The following ATRNL1 variants were observed in gnomAD, a reference collection of about 807,000 sequenced individuals.
The protein encoded by ATRNL1 is attractin-like protein 1.
In ATRNL1, 95 loss-of-function variants were observed where a neutral mutation model predicts 182.7. The observed-to-expected ratio is 0.52, with a 90% CI of 0.44 to 0.62. The LOEUF (loss-of-function observed/expected upper bound fraction) is 0.62, where lower values mean the gene tolerates loss of function less well. Ranked by LOEUF, ATRNL1 falls within the 20% of genes least tolerant of loss-of-function variation. The pLI is 0.00. For missense variants in ATRNL1, 1,471 were observed against 1,679.5 expected (o/e 0.88, Z 2.17); for synonymous variants, 576 against 568.3 (o/e 1.01, Z -0.19).
At chr10:115,483,019 G>GT (rs1848843356) in intron 24 of ATRNL1, among the ~76,000 whole-genome samples, 1 of 151,244 alleles carries the variant, frequency 6.6e-6, no homozygotes. Context: ...AAAATGGTAT[G>GT]TTTTAACATT....
intron 26 of ATRNL1, among the ~76,000 whole-genome samples, chr10:115,589,201 C>T (rs1319041082): frequency 6.6e-6 from 1 of 152,048 alleles, no homozygotes; most frequent in Non-Finnish European, 1.5e-5. Context: ...ATATTATTAA[C>T]AAACTTATGA....
intron 26 of ATRNL1, among the ~76,000 whole-genome samples, chr10:115,724,158 A>G (rs1555059063): frequency 6.6e-6 from 1 of 152,168 alleles, no homozygotes; most frequent in East Asian, 1.9e-4. Flanking sequence ...ATCCTGGAAA[A>G]TCTATTAATT....
chr10:115,714,536 C>G lies in ATRNL1; in HGVS notation c.3796-12712C>G, dbSNP rs541502503. On this transcript the variant is annotated intron_variant, in intron 26 of 28. Coordinates refer to ENST00000355044, the MANE Select transcript of ATRNL1 (RefSeq NM_207303.4). ...CTGCCAGGCGGCCCATTTTACTTGG[C>G]TATCTCAATGATATTATGTTCTTTA... Among the ~76,000 whole-genome samples, 5 of 152,120 alleles carry G rather than the reference C, an allele frequency of 3.3e-5. No homozygotes were observed. The South Asian group carries it at 6.2e-4, about 19-fold the overall frequency.
chr10:115,715,810 G>T (rs1264698223), intron 26 of ATRNL1, among the ~76,000 whole-genome samples: 1 of 152,174 alleles, frequency 6.6e-6, no homozygotes, highest in Non-Finnish European at 1.5e-5. Flanking sequence ...TCACGTCAAG[G>T]TATTCAAGGG....
chr10:115,148,594 G>A (rs11197084), intron 5 of ATRNL1, among the ~76,000 whole-genome samples: 33,209 of 152,014 alleles, frequency 0.22, 4,658 homozygotes, highest in Non-Finnish European at 0.31. Flanking sequence ...GCCAAGGTTT[G>A]TTGTCTCGCA....
Position 115,160,082 on chromosome 10 carries a change from G to A in ATRNL1, c.872G>A (p.Trp291Ter). Residue 291 changes from tryptophan (W) to a stop codon, truncating the protein, a stop_gained, in exon 6 of 29, where the codon TGG becomes TAG. Transcript: ENST00000355044. LOFTEE classifies it high-confidence loss of function. ...AATGTTCCCTCTACTGAGTCTTACT[G>A]GATTCTGCCAAACGTTAAACCCTTC... is the stretch of plus-strand genomic sequence containing the variant. ...SLNVPSTESYWILPNVKPFSP... is the reference protein window; with the variant it reads ...SLNVPSTESY The A allele has an allele frequency of 6.2e-7, 1 of 1,611,468 alleles. No individual in the cohort carries two copies. The highest frequency in any genetic ancestry group is 1.1e-5 in the South Asian group (1 of 90,880).
intron 18 of ATRNL1, among the ~76,000 whole-genome samples, chr10:115,321,894 A>C (rs1554931647): frequency 6.6e-6 from 1 of 152,112 alleles, no homozygotes; most frequent in East Asian, 1.9e-4. Context: ...AACTGTTAGT[A>C]CTGACAAATG....
At chr10:115,116,993 TATAAG>T (rs1844515181) in intron 1 of ATRNL1, among the ~76,000 whole-genome samples, 1 of 151,992 alleles carries the variant, frequency 6.6e-6, no homozygotes, top group South Asian at 2.1e-4. Context: ...TCACATCACT[TATAAG>T]AGGGAGATAA....
intron 19 of ATRNL1, among the ~76,000 whole-genome samples, chr10:115,368,496 C>T (rs1361398436): frequency 3.9e-5 from 6 of 152,172 alleles, no homozygotes; most frequent in Non-Finnish European, 5.9e-5. Context: ...GCGTCGCTCA[C>T]GCTGGGAGCT....
chr10:115,194,988 A>G (rs1554890691), intron 8 of ATRNL1, among the ~76,000 whole-genome samples: 1 of 152,000 alleles, frequency 6.6e-6, no homozygotes, highest in Admixed American at 6.6e-5. Context: ...ATAAAAAACT[A>G]AAAAAGCTCT....
At chr10:115,219,718 C>G (rs1211993171) in intron 9 of ATRNL1, among the ~76,000 whole-genome samples, 1 of 152,014 alleles carries the variant, frequency 6.6e-6, no homozygotes, top group Admixed American at 6.6e-5. Context: ...GCCTGGCTAA[C>G]ATGGTGAAAC....
chr10:115,144,939 T>C (rs568658631), intron 5 of ATRNL1, among the ~76,000 whole-genome samples: 2 of 152,262 alleles, frequency 1.3e-5, no homozygotes, highest in South Asian at 4.1e-4. Context: ...GTGATTAATA[T>C]TTATATATTA....
intron 24 of ATRNL1, among the ~76,000 whole-genome samples, chr10:115,519,018 C>G (rs1228347755): frequency 6.6e-6 from 1 of 151,940 alleles, no homozygotes; most frequent in Admixed American, 6.6e-5. Flanking sequence ...AGCGTGCATC[C>G]TTAAAGTAAT....
chr10:115,617,363 GT>G (rs200642337), intron 26 of ATRNL1, among the ~76,000 whole-genome samples: 1 of 113,606 alleles, frequency 8.8e-6, no homozygotes, highest in African/African-American at 2.8e-5. Context: ...GTTTTTTTTT[GT>G]TTTTTGTTTT....
At chr10:115,303,417 G>C (rs1400346523) in intron 17 of ATRNL1, among the ~76,000 whole-genome samples, 1 of 151,834 alleles carries the variant, frequency 6.6e-6, no homozygotes, top group African/African-American at 2.4e-5. Context: ...TAGAGATGGG[G>C]TTTCACTGTT....
At chr10:115,123,565 T>C (rs782514921) in intron 3 of ATRNL1, among the ~76,000 whole-genome samples, 93 of 152,256 alleles carry the variant, frequency 6.1e-4, no homozygotes, top group Middle Eastern at 3.4e-3. Context: ...GAAGAAGGCA[T>C]AGGCTATCGC....
At chr10:115,276,030 A>T (rs768603860) in intron 13 of ATRNL1, among the ~76,000 whole-genome samples, 1 of 152,138 alleles carries the variant, frequency 6.6e-6, no homozygotes, top group Non-Finnish European at 1.5e-5. Flanking sequence ...TGTTTCGTCT[A>T]TCATTTTCCA....
At chr10:115,468,244 CTGTAAGGGTTTAAAAATGTGTCTA>C (rs1848145842) in intron 23 of ATRNL1, among the ~76,000 whole-genome samples, 1 of 150,786 alleles carries the variant, frequency 6.6e-6, no homozygotes, top group South Asian at 2.1e-4. Context: ...AGTAAGAAAA[CTGTAAGGGTTTAAAAATGTGTCTA>C]CAAAAATGTC....
At chr10:115,154,945 T>G (rs1208464625) in intron 5 of ATRNL1, among the ~76,000 whole-genome samples, 1 of 152,162 alleles carries the variant, frequency 6.6e-6, no homozygotes, top group Non-Finnish European at 1.5e-5. Flanking sequence ...ATTTCTTCCT[T>G]TAAATGTAAT....
Sources: gnomAD v4.1 joint callset for allele counts (sites outside exome capture counted in the v4.1 genomes callset) on GRCh38, gnomAD v4.1.1 for gene constraint, MANE v1.5 for transcripts, NCBI Gene and HGNC (gene_info 2026-07-23, HGNC 2026-07-21) for gene names.